LRMDA: variants seen among roughly 807,000 people sequenced by gnomAD.
LRMDA encodes leucine rich melanocyte differentiation associated.
In LRMDA, 18 loss-of-function variants were observed where a neutral mutation model predicts 29.8. That is an observed-to-expected ratio of 0.60 (90% CI 0.42 to 0.90). The LOEUF (loss-of-function observed/expected upper bound fraction) is 0.90, where lower values mean the gene tolerates loss of function less well. Among genes scored for constraint, LRMDA ranks in the 40% least tolerant of loss-of-function variants. The pLI, the probability that LRMDA is intolerant of heterozygous loss-of-function variation, is 0.00. For missense variants in LRMDA, 273 were observed against 273.9 expected, an observed-to-expected ratio of 1.00 and a Z score of 0.02; for synonymous variants, 125 against 109.4, an observed-to-expected ratio of 1.14 and a Z score of -0.89.
At chr10:75,875,968 G>T (rs1845190911) in intron 2 of LRMDA, among the ~76,000 whole-genome samples, 1 of 152,158 alleles carries the variant, frequency 6.6e-6, no homozygotes, top group Non-Finnish European at 1.5e-5. Flanking sequence ...ATTGGACCCT[G>T]GTGGCAAGAC....
intron 2 of LRMDA, among the ~76,000 whole-genome samples, chr10:75,712,226 C>T (rs1221423245): frequency 6.6e-6 from 1 of 152,190 alleles, no homozygotes; most frequent in Non-Finnish European, 1.5e-5. Flanking sequence ...ATTATCCCTA[C>T]CTCATCCCTC....
intron 2 of LRMDA, among the ~76,000 whole-genome samples, chr10:75,629,633 A>G (rs1172290508): frequency 6.6e-6 from 1 of 152,214 alleles, no homozygotes; most frequent in Admixed American, 6.5e-5. Context: ...TTTACTAGCA[A>G]AGCCTGAAAG....
intron 5 of LRMDA, among the ~76,000 whole-genome samples, chr10:76,221,553 G>C (rs542506704): frequency 6.6e-6 from 1 of 152,132 alleles, no homozygotes; most frequent in Non-Finnish European, 1.5e-5. Flanking sequence ...TAGGAATCCA[G>C]CTTACAAGGG....
At chr10:76,036,601 G>C (rs912737961) in intron 3 of LRMDA, among the ~76,000 whole-genome samples, 2 of 152,188 alleles carry the variant, frequency 1.3e-5, no homozygotes, top group African/African-American at 4.8e-5. Context: ...TTGGGGAACC[G>C]TTTTGGTGAG....
chr10:75,703,281 G>C (rs1408716537), intron 2 of LRMDA, among the ~76,000 whole-genome samples: 1 of 152,184 alleles, frequency 6.6e-6, no homozygotes, highest in African/African-American at 2.4e-5. Context: ...AGAAGGGGTG[G>C]GATTGGGGGA....
intron 2 of LRMDA, among the ~76,000 whole-genome samples, chr10:75,811,072 T>C (rs1431043954): frequency 6.6e-6 from 1 of 152,184 alleles, no homozygotes; most frequent in African/African-American, 2.4e-5. Context: ...GATGCACAGC[T>C]CTTTGTACTG....
At chr10:76,194,745 C>A (rs1851304045) in intron 5 of LRMDA, among the ~76,000 whole-genome samples, 1 of 152,100 alleles carries the variant, frequency 6.6e-6, no homozygotes, top group African/African-American at 2.4e-5. Context: ...GATGGAAAGT[C>A]CAATATGTGC....
At chr10:75,485,593 C>T (rs9415101) in intron 2 of LRMDA, among the ~76,000 whole-genome samples, 135,949 of 150,954 alleles carry the variant, frequency 0.9, 61,381 homozygotes, top group African/African-American at 0.97. Context: ...TATATATATA[C>T]ATATTTTGAG....
At chr10:76,272,397 G>A (rs1423182739) in intron 5 of LRMDA, among the ~76,000 whole-genome samples, 1 of 152,126 alleles carries the variant, frequency 6.6e-6, no homozygotes, top group Non-Finnish European at 1.5e-5. Context: ...ATAGAACCTG[G>A]AATCCATGGT....
At chr10:76,486,369 A>G (rs1367331240) in intron 6 of LRMDA, among the ~76,000 whole-genome samples, 2 of 151,870 alleles carry the variant, frequency 1.3e-5, no homozygotes, top group Non-Finnish European at 2.9e-5. Context: ...GCCATGGATT[A>G]TATTGTGGAT....
intron 2 of LRMDA, among the ~76,000 whole-genome samples, chr10:75,820,322 G>A (rs1844135301): frequency 6.6e-6 from 1 of 151,322 alleles, no homozygotes; most frequent in Non-Finnish European, 1.5e-5. Context: ...AGACTAGAGT[G>A]AAATAGAACT....
At chr10:75,768,195 A>C (rs1302430002) in intron 2 of LRMDA, among the ~76,000 whole-genome samples, 1 of 152,204 alleles carries the variant, frequency 6.6e-6, no homozygotes, top group Non-Finnish European at 1.5e-5. Flanking sequence ...TTGTCCTGGC[A>C]CTGGCATCGT....
At chr10:75,864,025 T>C (rs889230050) in intron 2 of LRMDA, among the ~76,000 whole-genome samples, 7 of 152,206 alleles carry the variant, frequency 4.6e-5, no homozygotes, top group African/African-American at 1.7e-4. Flanking sequence ...ATAGTAGTGA[T>C]GTGAACAGTG....
chr10:75,863,292 C>A (rs914048773), intron 2 of LRMDA, among the ~76,000 whole-genome samples: 5 of 152,154 alleles, frequency 3.3e-5, no homozygotes, highest in Non-Finnish European at 7.3e-5. Flanking sequence ...CTGTTGTAAT[C>A]ATGATTTATT....
At chr10:76,180,435 A>G (rs1851026066) in intron 5 of LRMDA, among the ~76,000 whole-genome samples, 1 of 151,694 alleles carries the variant, frequency 6.6e-6, no homozygotes. Context: ...GCCCGCCACC[A>G]CACCCGGCTA....
At chr10:76,356,302 T>C (rs986260669) in intron 6 of LRMDA, among the ~76,000 whole-genome samples, 2 of 152,120 alleles carry the variant, frequency 1.3e-5, no homozygotes, top group Non-Finnish European at 2.9e-5. Context: ...ATCTAAGATA[T>C]CAGGCATGGA....
rs115329909 is a variant in LRMDA at position 76,523,480 on chromosome 10, G to A, written c.602-33729G>A. Among the ~76,000 whole-genome samples, 520 of 152,248 alleles carry A rather than the reference G, an allele frequency of 3.4e-3. 1 individual carries two copies. Among genetic ancestry groups the A allele is most frequent in the African/African-American group, 0.012 (495 of 41,550 alleles). Reference sequence around the variant, plus strand: ...GTGAGATTCCACTGTTGGAGAGAGAGTTGGTTCAAATGCCACTGTCCCTGA... The same window carrying A: ...GTGAGATTCCACTGTTGGAGAGAGAATTGGTTCAAATGCCACTGTCCCTGA... On this transcript the variant is annotated intron_variant, in intron 6 of 6. Coordinates refer to ENST00000611255, the MANE Select transcript of LRMDA (RefSeq NM_001305581.2).
At chr10:76,417,734 T>C (rs1278768976) in intron 6 of LRMDA, among the ~76,000 whole-genome samples, 1 of 152,230 alleles carries the variant, frequency 6.6e-6, no homozygotes, top group African/African-American at 2.4e-5. Flanking sequence ...TGGTTAGTAT[T>C]TTTGAAGTCC....
At chr10:76,547,562 G>C (rs1336093536) in intron 6 of LRMDA, among the ~76,000 whole-genome samples, 1 of 152,062 alleles carries the variant, frequency 6.6e-6, no homozygotes, top group Non-Finnish European at 1.5e-5. Flanking sequence ...CCCTCTAGTG[G>C]TGATGCTCCC....
Sources: allele counts gnomAD v4.1 joint callset (sites outside exome capture counted in the v4.1 genomes callset), GRCh38; gene constraint gnomAD v4.1.1; transcripts MANE v1.5; gene names NCBI Gene and HGNC (gene_info 2026-07-23, HGNC 2026-07-21).